Variants in PATJ observed in about 807,000 individuals in gnomAD.
PATJ encodes inaD-like protein.
A neutral mutation model predicts 224.9 loss-of-function variants in PATJ; 190 were observed. That is an observed-to-expected ratio of 0.84 (90% CI 0.75 to 0.95). The LOEUF (loss-of-function observed/expected upper bound fraction) is 0.95. Among genes scored for constraint, PATJ ranks in the 40% least tolerant of loss-of-function variants. The pLI, the probability that PATJ is intolerant of heterozygous loss-of-function variation, is 0.00. For missense variants in PATJ, 2,121 were observed against 2,270.3 expected (o/e 0.93, Z 1.34); for synonymous variants, 769 against 820.3 (o/e 0.94, Z 1.07).
At position 61,885,673 on chromosome 1, in the gene PATJ, C is replaced by T. The variant is rs1249596241; in HGVS notation, c.3131+1265C>T. Among the ~76,000 whole-genome samples, 4 of 152,218 alleles carry T rather than the reference C, an allele frequency of 2.6e-5. No individual in the cohort carries two copies. The East Asian group carries it at 7.7e-4, about 29-fold the overall frequency. ...ACCATTTGACCCAGCCATCCCATTA[C>T]TGGGTATATACCCAAAGGACTATAA... On this transcript the variant is annotated intron_variant, in intron 22 of 43. Coordinates refer to ENST00000642238, the MANE Select transcript of PATJ (RefSeq NM_001350145.3).
At chr1:62,082,646 C>G (rs2148746013) in intron 32 of PATJ, among the ~76,000 whole-genome samples, 1 of 152,254 alleles carries the variant, frequency 6.6e-6, no homozygotes, top group East Asian at 1.9e-4. Flanking sequence ...AGTTACTCAC[C>G]CCTGCCATTG....
intron 16 of PATJ, 81 bp downstream of exon 16, chr1:61,827,664 G>A: frequency 7.4e-7 from 1 of 1,359,098 alleles, no homozygotes; most frequent in Non-Finnish European, 1.0e-6. Context: ...CAATAAGAAG[G>A]GAGGGGAAAC....
At chr1:61,912,327 C>T (rs1248385108) in intron 25 of PATJ, among the ~76,000 whole-genome samples, 1 of 152,098 alleles carries the variant, frequency 6.6e-6, no homozygotes, top group Admixed American at 6.6e-5. Context: ...GGCGCAGTGG[C>T]TCACGCCTGT....
intron 33 of PATJ, among the ~76,000 whole-genome samples, chr1:62,099,170 A>G (rs1299648598): frequency 6.6e-6 from 1 of 152,094 alleles, no homozygotes; most frequent in East Asian, 1.9e-4. Flanking sequence ...TGAGAAAGTC[A>G]TCTACTGTGT....
chr1:61,827,377 C>T (rs764519671), intron 15 of PATJ, 45 bp from the exon 16 acceptor site: 11 of 1,468,272 alleles, frequency 7.5e-6, no homozygotes, highest in Middle Eastern at 1.8e-4. Flanking sequence ...TTTGTTTTTT[C>T]ATTTGGGGCT....
chr1:61,946,756 C>T (rs1473928832), intron 27 of PATJ, among the ~76,000 whole-genome samples: 1 of 151,998 alleles, frequency 6.6e-6, no homozygotes, highest in East Asian at 1.9e-4. Flanking sequence ...CTGGCAGAGA[C>T]ACAACAAAAA....
chr1:61,947,698 G>T (rs945972988), intron 27 of PATJ, among the ~76,000 whole-genome samples: 16 of 152,184 alleles, frequency 1.1e-4, no homozygotes, highest in Non-Finnish European at 2.2e-4. Context: ...TTTCTTCACA[G>T]AATTGGAAAA....
chr1:61,871,442 T>TATAC (rs1451251454), intron 20 of PATJ, among the ~76,000 whole-genome samples: 1 of 29,030 alleles, frequency 3.4e-5, no homozygotes, highest in Non-Finnish European at 8.6e-5. Flanking sequence ...TATGTGTATA[T>TATAC]ACACATATAT....
intron 26 of PATJ, among the ~76,000 whole-genome samples, chr1:61,926,680 G>A (rs1675252756): frequency 6.6e-6 from 1 of 151,816 alleles, no homozygotes; most frequent in African/African-American, 2.4e-5. Context: ...TAGATTTTTG[G>A]ATTTTCTACA....
chr1:61,880,573 T>C (rs1667953833), intron 21 of PATJ, among the ~76,000 whole-genome samples: 3 of 152,198 alleles, frequency 2.0e-5, no homozygotes, highest in South Asian at 4.1e-4. Flanking sequence ...TTTAAATCCG[T>C]AGAAGGTATG....
At chr1:62,028,783 A>T (rs56379320) in intron 29 of PATJ, among the ~76,000 whole-genome samples, 32,381 of 151,022 alleles carry the variant, frequency 0.21, 3,685 homozygotes, top group Non-Finnish European at 0.26. Context: ...GACTGTGTTT[A>T]AAAAAAAAGA....
At chr1:62,056,601 C>A (rs1035709050) in intron 31 of PATJ, among the ~76,000 whole-genome samples, 1 of 151,958 alleles carries the variant, frequency 6.6e-6, no homozygotes, top group Non-Finnish European at 1.5e-5. Context: ...GCCAACATGG[C>A]GAAACCCCGT....
intron 27 of PATJ, among the ~76,000 whole-genome samples, chr1:61,939,353 G>C (rs905789230): frequency 5.9e-5 from 3 of 51,226 alleles, no homozygotes; most frequent in African/African-American, 2.7e-4. Context: ...ACAGTCAGAA[G>C]AAAGACACAC....
chr1:62,074,370 A>T (rs12746804), intron 31 of PATJ, among the ~76,000 whole-genome samples: 83,610 of 150,256 alleles, frequency 0.56, 23,607 homozygotes, highest in Middle Eastern at 0.66. Flanking sequence ...TAATAAAATT[A>T]AAAAAAAAAT....
intron 27 of PATJ, among the ~76,000 whole-genome samples, chr1:61,948,619 C>T (rs1337594655): frequency 6.6e-6 from 1 of 152,166 alleles, no homozygotes. Context: ...GTTGGTGGGA[C>T]TGTAAACTAG....
Position 62,108,472 on chromosome 1 carries a change from G to C in PATJ, c.4413G>C (p.Gly1471=). The stretch of plus-strand genomic sequence containing the variant: ...TTATCCATGAAGTCTATGAAGAAGG[G>C]GCAGCAGCCAGAGATGGAAGACTTT... The part of the protein sequence containing the change: ...AIVIHEVYEE[G]AAARDGRLWA... The change falls in exon 34 of 44, where the codon GGG becomes GGC. Residue 1471 remains glycine (G), a synonymous_variant. Coordinates refer to ENST00000642238, the MANE Select transcript of PATJ (RefSeq NM_001350145.3). 6.2e-7 allele frequency: 1 copy of C among 1,610,132 alleles called. No individual in the cohort carries two copies. Among genetic ancestry groups the C allele is most frequent in the Non-Finnish European group, 8.5e-7 (1 of 1,177,224 alleles).
intron 15 of PATJ, among the ~76,000 whole-genome samples, chr1:61,826,202 G>A (rs1000725362): frequency 6.6e-6 from 1 of 152,170 alleles, no homozygotes; most frequent in African/African-American, 2.4e-5. Context: ...TGCTTGATAT[G>A]TTACAGGCTT....
intron 34 of PATJ, among the ~76,000 whole-genome samples, chr1:62,111,915 C>T (rs1663872236): frequency 6.6e-6 from 1 of 151,790 alleles, no homozygotes; most frequent in Non-Finnish European, 1.5e-5. Context: ...CTGCCTCGGC[C>T]TCCCAAAGTG....
intron 7 of PATJ, among the ~76,000 whole-genome samples, chr1:61,783,221 T>C (rs1647712234): frequency 6.6e-6 from 1 of 152,160 alleles, no homozygotes; most frequent in African/African-American, 2.4e-5. Context: ...CTCTGGGAAT[T>C]TGAGTAGGAT....
Sources: gnomAD v4.1 joint callset for allele counts (sites outside exome capture counted in the v4.1 genomes callset) on GRCh38, gnomAD v4.1.1 for gene constraint, MANE v1.5 for transcripts, NCBI Gene and HGNC (gene_info 2026-07-23, HGNC 2026-07-21) for gene names.